Variants in NDC1 observed in about 807,000 individuals in gnomAD.
NDC1 encodes NDC1 transmembrane nucleoporin.
Under a neutral mutation model 89.8 loss-of-function variants are expected in NDC1, and 24 were observed. The observed-to-expected ratio is 0.27, with a 90% CI of 0.19 to 0.38. The LOEUF (loss-of-function observed/expected upper bound fraction) is 0.38. NDC1 is among the 10% of genes least tolerant of loss of function. The pLI is 1.00. For missense variants in NDC1, 728 were observed against 797.6 expected (o/e 0.91, Z 1.05); for synonymous variants, 296 against 284.8 (o/e 1.04, Z -0.39).
At chr1:53,796,640 G>T in intron 13 of NDC1, 49 bp downstream of exon 13, 33 of 968,108 alleles carry the variant, frequency 3.4e-5, no homozygotes, top group Non-Finnish European at 4.1e-5. Context: ...GATCCTTAAT[G>T]TTCTCAATTT....
At chr1:53,800,908 T>G (rs1242542150) in intron 10 of NDC1, 60 bp from the exon 11 acceptor site, 1 of 1,468,052 alleles carries the variant, frequency 6.8e-7, no homozygotes, top group Non-Finnish European at 9.2e-7. Flanking sequence ...CCTCTTGAAG[T>G]GGGGGAAAAA....
intron 14 of NDC1, 39 bp from the exon 15 acceptor site, chr1:53,789,235 G>A: frequency 7.6e-7 from 1 of 1,323,186 alleles, no homozygotes; most frequent in Non-Finnish European, 1.1e-6. Flanking sequence ...GAATTCCCCT[G>A]AGCAAAAACT....
At chr1:53,768,301 A>G (rs939476887) in intron 17 of NDC1, among the ~76,000 whole-genome samples, 2 of 152,232 alleles carry the variant, frequency 1.3e-5, no homozygotes, top group African/African-American at 2.4e-5. Context: ...CTGCTCTGCT[A>G]TGGAACCTGC....
At position 53,766,665 on chromosome 1, in the gene NDC1, T is replaced by C. The variant is rs548503524; in HGVS notation, c.*1305A>G. 1.3e-5 allele frequency: 2 copies of C among 152,150 alleles called. 1 individual carries two copies. Among genetic ancestry groups the C allele is most frequent in the Admixed American group, 1.3e-4 (2 of 15,256 alleles). 9.4% of individuals were successfully genotyped at this position (152,150 alleles called of 1,614,324 possible). A position where few individuals can be genotyped will look rare whatever the true frequency, so the allele number is the denominator to read the frequency against. ...GACCCGGAGCTAAAATATTCAATTA[T>C]AAAGATATAATACATCGATGAATCA... On this transcript the variant is annotated 3_prime_UTR_variant, in exon 18 of 18. Coordinates refer to ENST00000371429, the MANE Select transcript of NDC1 (RefSeq NM_018087.5).
chr1:53,834,978 C>T (rs987640028), intron 2 of NDC1, among the ~76,000 whole-genome samples: 1 of 121,328 alleles, frequency 8.2e-6, no homozygotes, highest in African/African-American at 4.9e-5. Flanking sequence ...CGTGGTGGCG[C>T]GTGCTGAGGC....
At chr1:53,810,526 T>C (rs1648269412) in intron 6 of NDC1, among the ~76,000 whole-genome samples, 1 of 148,672 alleles carries the variant, frequency 6.7e-6, no homozygotes, top group Non-Finnish European at 1.5e-5. Flanking sequence ...AAAGAGCAAA[T>C]CATGGAAATG....
chr1:53,819,146 A>G, intron 5 of NDC1, 67 bp from the exon 6 acceptor site: 1 of 754,328 alleles, frequency 1.3e-6, no homozygotes, highest in Non-Finnish European at 2.3e-6. Flanking sequence ...CATCACCTTA[A>G]AGCAAGCACT....
At chr1:53,796,329 A>G (rs766388353) in intron 13 of NDC1, among the ~76,000 whole-genome samples, 3 of 152,270 alleles carry the variant, frequency 2.0e-5, no homozygotes, top group South Asian at 2.1e-4. Flanking sequence ...ATGATATTTT[A>G]TATTTCAGAG....
At chr1:53,769,188 A>T (rs548682573) in intron 17 of NDC1, among the ~76,000 whole-genome samples, 13 of 152,272 alleles carry the variant, frequency 8.5e-5, no homozygotes, top group South Asian at 6.2e-4. Context: ...ACTCAAAAAA[A>T]TTTTTTTGAT....
At position 53,825,460 on chromosome 1, in the gene NDC1, A is replaced by AAAAAAAAAG. The variant is rs1039370528; in HGVS notation, c.594+337_594+338insCTTTTTTTT. ...AAGAAGCGAGACTGTCTCCAAAAAA[A>AAAAAAAAAG]AAGAAGCTACACAGAGTACTTTGCA... On this transcript the variant is annotated intron_variant, in intron 5 of 17. Coordinates refer to ENST00000371429, the MANE Select transcript of NDC1 (RefSeq NM_018087.5). Among the ~76,000 whole-genome samples the AAAAAAAAAG allele has an allele frequency of 1.9e-3, 264 of 142,214 alleles. 11 individuals are homozygous for AAAAAAAAAG. Among genetic ancestry groups the AAAAAAAAAG allele is most frequent in the Admixed American group, 3.3e-3 (48 of 14,386 alleles). The allele number at this position is 142,214 out of a possible 152,430, so 93.3% of individuals were successfully genotyped here. A position where few individuals can be genotyped will look rare whatever the true frequency, so the allele number is the denominator to read the frequency against.
chr1:53,772,833 T>C lies in NDC1; in HGVS notation c.1801-344A>G, dbSNP rs188475479. 6.9e-4 allele frequency among the ~76,000 whole-genome samples: 105 copies of C among 152,120 alleles called. 1 individual carries two copies. The highest frequency in any genetic ancestry group is 1.2e-3 in the Non-Finnish European group (83 of 67,984). ...TTTGAGATAGATACAAATGGATATA[T>C]ACAGAGAGATATACACATATCTATA... On this transcript the variant is annotated intron_variant, in intron 16 of 17. Coordinates refer to ENST00000371429, the MANE Select transcript of NDC1 (RefSeq NM_018087.5).
At position 53,776,314 on chromosome 1, in the gene NDC1, T is replaced by G. The variant is rs1397873789; in HGVS notation, c.1801-3825A>C. ...TCATCATTAAAGTCTAGAGCTATGC[T>G]GTCCAATATGGCAACCACTAGCCAC... On this transcript the variant is annotated intron_variant, in intron 16 of 17. Coordinates refer to ENST00000371429, the MANE Select transcript of NDC1 (RefSeq NM_018087.5). 3.9e-5 allele frequency among the ~76,000 whole-genome samples: 6 copies of G among 152,154 alleles called. No homozygotes were observed. The East Asian group carries it at 7.7e-4, about 20-fold the overall frequency.
chr1:53,807,860 T>A, intron 7 of NDC1, 69 bp from the exon 8 acceptor site: 1 of 1,389,284 alleles, frequency 7.2e-7, no homozygotes. Context: ...CACTTAAGTC[T>A]CCACATTGAG....
chr1:53,812,565 A>G (rs1397540568), intron 6 of NDC1, among the ~76,000 whole-genome samples: 2 of 152,226 alleles, frequency 1.3e-5, no homozygotes, highest in Non-Finnish European at 2.9e-5. Flanking sequence ...GACAAAGAAA[A>G]AAAAGGAGAA....
intron 3 of NDC1, among the ~76,000 whole-genome samples, chr1:53,832,031 T>G (rs534773153): frequency 5.3e-5 from 8 of 152,308 alleles, no homozygotes; most frequent in African/African-American, 1.9e-4. Flanking sequence ...GGTCTAAATT[T>G]TTTTATTGTG....
chr1:53,835,949 C>T (rs1349806510), intron 1 of NDC1, among the ~76,000 whole-genome samples: 1 of 152,152 alleles, frequency 6.6e-6, no homozygotes, highest in East Asian at 1.9e-4. Flanking sequence ...AGGCTGTACA[C>T]ATTTTATGGG....
chr1:53,798,458 C>T (rs538435050), intron 11 of NDC1, among the ~76,000 whole-genome samples: 2 of 151,694 alleles, frequency 1.3e-5, no homozygotes, highest in South Asian at 2.1e-4. Flanking sequence ...TGAGCCACCT[C>T]GCCCAGCTGG....
intron 16 of NDC1, among the ~76,000 whole-genome samples, chr1:53,781,522 T>C (rs1180672888): frequency 6.6e-6 from 1 of 152,212 alleles, no homozygotes; most frequent in Non-Finnish European, 1.5e-5. Flanking sequence ...GCCCTCTGAA[T>C]ACTTTGAAGG....
At chr1:53,799,383 C>A (rs1647831661) in intron 11 of NDC1, among the ~76,000 whole-genome samples, 3 of 152,316 alleles carry the variant, frequency 2.0e-5, no homozygotes, top group African/African-American at 7.2e-5. Context: ...GATCTGAAAG[C>A]TGATAACATC....
Sources: allele counts gnomAD v4.1 joint callset (sites outside exome capture counted in the v4.1 genomes callset), GRCh38; gene constraint gnomAD v4.1.1; transcripts MANE v1.5; gene names NCBI Gene and HGNC (gene_info 2026-07-23, HGNC 2026-07-21).